Variants in PTPRG observed in about 807,000 individuals in gnomAD.
PTPRG encodes receptor-type tyrosine-protein phosphatase gamma.
In PTPRG, 102 loss-of-function variants were observed where a neutral mutation model predicts 165.3. The ratio of observed to expected loss-of-function variants is 0.62; its 90% CI spans 0.53 to 0.73. PTPRG has a LOEUF of 0.73. Among genes scored for constraint, PTPRG ranks in the 30% least tolerant of loss-of-function variants. PTPRG has a pLI of 0.00. For missense variants in PTPRG, 1,866 were observed against 1,861.4 expected, an observed-to-expected ratio of 1.00 and a Z score of -0.05; for synonymous variants, 675 against 669.5, an observed-to-expected ratio of 1.01 and a Z score of -0.13.
chr3:61,683,538 G>C (rs764191407), intron 1 of PTPRG, among the ~76,000 whole-genome samples: 1 of 152,138 alleles, frequency 6.6e-6, no homozygotes, highest in Non-Finnish European at 1.5e-5. Context: ...GGGGTTACTT[G>C]GCCGTCTCAG....
chr3:61,997,574 C>A (rs2041071288), intron 3 of PTPRG, among the ~76,000 whole-genome samples: 1 of 152,212 alleles, frequency 6.6e-6, no homozygotes, highest in East Asian at 1.9e-4. Flanking sequence ...CCATGACACC[C>A]TCCCCTTCTC....
chr3:61,999,824 T>C (rs1033002916), intron 3 of PTPRG, among the ~76,000 whole-genome samples: 1 of 152,224 alleles, frequency 6.6e-6, no homozygotes, highest in Non-Finnish European at 1.5e-5. Flanking sequence ...GGGTTATGCT[T>C]ATTCTTGAGT....
rs149207213 is a variant in PTPRG at position 62,167,782 on chromosome 3, G to T, written c.841-189G>T. ...CAGGACAGAAACCACAGCCAGATGA[G>T]CCTGTTGGCAGTGTTTCCAGCAGGC... On this transcript the variant is annotated intron_variant, in intron 7 of 29. Transcript: ENST00000474889. Among the ~76,000 whole-genome samples the T allele has an allele frequency of 3.3e-5, 5 of 152,276 alleles. No individual in the cohort carries two copies. In the East Asian group the frequency reaches 9.6e-4, roughly 29 times the overall value.
At chr3:62,042,555 C>T (rs1254617771) in intron 4 of PTPRG, among the ~76,000 whole-genome samples, 1 of 152,110 alleles carries the variant, frequency 6.6e-6, no homozygotes, top group Non-Finnish European at 1.5e-5. Context: ...CTTCCTCCCG[C>T]ACCGCCACCC....
chr3:61,825,121 C>T (rs533180094), intron 2 of PTPRG, among the ~76,000 whole-genome samples: 3 of 152,108 alleles, frequency 2.0e-5, no homozygotes, highest in East Asian at 1.9e-4. Context: ...TAAGAATATT[C>T]GAGATACATC....
intron 4 of PTPRG, among the ~76,000 whole-genome samples, chr3:62,034,008 C>T (rs1018404232): frequency 6.6e-6 from 1 of 152,184 alleles, no homozygotes; most frequent in African/African-American, 2.4e-5. Context: ...TCAGATAATC[C>T]TCCTGCCTCG....
intron 2 of PTPRG, among the ~76,000 whole-genome samples, chr3:61,868,294 C>T (rs2037466516): frequency 6.6e-6 from 1 of 152,226 alleles, no homozygotes; most frequent in African/African-American, 2.4e-5. Context: ...TCTGTTTCAT[C>T]TCTGCTTACA....
chr3:62,096,072 A>C (rs1432809120), intron 5 of PTPRG, among the ~76,000 whole-genome samples: 1 of 152,108 alleles, frequency 6.6e-6, no homozygotes, highest in Non-Finnish European at 1.5e-5. Flanking sequence ...CACTACCGAG[A>C]GAGTTGAGCT....
At chr3:61,767,380 A>G (rs1306640370) in intron 2 of PTPRG, among the ~76,000 whole-genome samples, 1 of 152,006 alleles carries the variant, frequency 6.6e-6, no homozygotes, top group Non-Finnish European at 1.5e-5. Context: ...CCTTGTAGTA[A>G]ATAGTTTTTT....
intron 15 of PTPRG, among the ~76,000 whole-genome samples, chr3:62,253,645 CTAAATATTCTGGAGAA>C (rs1402293428): frequency 6.6e-6 from 1 of 152,148 alleles, no homozygotes; most frequent in Non-Finnish European, 1.5e-5. Flanking sequence ...GTGCATTCTG[CTAAATATTCTGGAGAA>C]ACATTTTGGC....
intron 1 of PTPRG, among the ~76,000 whole-genome samples, chr3:61,714,264 G>A (rs2031705127): frequency 6.6e-6 from 1 of 152,076 alleles, no homozygotes; most frequent in African/African-American, 2.4e-5. Context: ...CATAATAGAA[G>A]CCCTGTTTTT....
chr3:61,715,857 CTT>C (rs11328575), intron 1 of PTPRG, among the ~76,000 whole-genome samples: 7 of 145,218 alleles, frequency 4.8e-5, no homozygotes, highest in African/African-American at 1.0e-4. Context: ...CCACCAATGG[CTT>C]TTTTTTTTTT....
chr3:62,279,114 G>C (rs1214600659), intron 26 of PTPRG, among the ~76,000 whole-genome samples: 1 of 151,992 alleles, frequency 6.6e-6, no homozygotes, highest in East Asian at 1.9e-4. Context: ...TCATTGCACA[G>C]TTTTTCCTAA....
chr3:61,798,752 C>T (rs1273449248), intron 2 of PTPRG, among the ~76,000 whole-genome samples: 2 of 151,760 alleles, frequency 1.3e-5, no homozygotes, highest in Non-Finnish European at 2.9e-5. Context: ...TCAACAACAG[C>T]CCATCTGATA....
chr3:62,021,769 G>T (rs1312080588), intron 4 of PTPRG, among the ~76,000 whole-genome samples: 1 of 151,088 alleles, frequency 6.6e-6, no homozygotes, highest in African/African-American at 2.4e-5. Context: ...TCTCTCACCA[G>T]AATGCAATAT....
chr3:62,208,665 A>G (rs910396826), intron 12 of PTPRG, among the ~76,000 whole-genome samples: 2 of 152,094 alleles, frequency 1.3e-5, no homozygotes, highest in African/African-American at 4.8e-5. Context: ...CTGGGCTGCT[A>G]TTCTGCTTTG....
intron 4 of PTPRG, among the ~76,000 whole-genome samples, chr3:62,026,879 T>TTAAAAAAAAAA (rs1260741192): frequency 1.3e-4 from 12 of 94,694 alleles, no homozygotes; most frequent in South Asian, 6.8e-4. Flanking sequence ...GAGTGAGAAT[T>TTAAAAAAAAAA]AAAAAAAAAA....
intron 5 of PTPRG, among the ~76,000 whole-genome samples, chr3:62,079,102 C>T (rs1701485925): frequency 6.6e-6 from 1 of 152,186 alleles, no homozygotes; most frequent in Non-Finnish European, 1.5e-5. Context: ...GACATAAGAG[C>T]CTTCTCCAAC....
In PTPRG at chr3:62,203,337, G is replaced by A. The variant is rs376410542; in HGVS notation, c.1542G>A (p.Thr514=). The A allele has an allele frequency of 1.8e-5, 29 of 1,613,346 alleles. No homozygotes were observed. In the African/African-American group the frequency reaches 2.5e-4, roughly 14 times the overall value. ...QATVASVVTS[T]LLAGLGFGGG... ...CAGTGGCCTCGGTGGTCACCAGCAC[G>A]CTGCTCGCCGGCCTGGGGTTCGGCG... Residue 514 remains threonine, a synonymous_variant, in exon 12 of 30, where the codon ACG becomes ACA. Coordinates refer to ENST00000474889, the MANE Select transcript of PTPRG (RefSeq NM_002841.4). The surrounding 1 kb of genome is among the most constrained non-coding windows in gnomAD (Gnocchi z 6.4).
Sources: gnomAD v4.1 joint callset for allele counts (sites outside exome capture counted in the v4.1 genomes callset) on GRCh38, gnomAD v4.1.1 for gene constraint, Gnocchi (gnomAD v3.1) non-coding constraint, MANE v1.5 for transcripts, NCBI Gene and HGNC (gene_info 2026-07-23, HGNC 2026-07-21) for gene names.